Variants in ASAP1 observed in about 807,000 individuals in gnomAD.
The protein encoded by ASAP1 is arf-GAP with SH3 domain, ANK repeat and PH domain-containing protein 1.
ASAP1 carries 43 observed loss-of-function variants against 145.2 expected under a neutral mutation model. The ratio of observed to expected loss-of-function variants is 0.30; its 90% confidence interval spans 0.23 to 0.38. The LOEUF is 0.38. Among genes scored for constraint, ASAP1 ranks in the 10% least tolerant of loss-of-function variants. The pLI, the probability that ASAP1 is intolerant of heterozygous loss-of-function variation, is 1.00. For synonymous variants in ASAP1, 546 were observed against 515.5 expected, an observed-to-expected ratio of 1.06 and a Z score of -0.80; for missense variants, 1,018 against 1,355.3, an observed-to-expected ratio of 0.75 and a Z score of 3.91.
intron 13 of ASAP1, among the ~76,000 whole-genome samples, chr8:130,149,523 C>T (rs775849862): frequency 3.3e-5 from 5 of 152,038 alleles, no homozygotes; most frequent in Non-Finnish European, 5.9e-5. Flanking sequence ...GGTGGCCAAG[C>T]CAACAAACCC....
chr8:130,297,267 T>G (rs1276585775), intron 3 of ASAP1, among the ~76,000 whole-genome samples: 1 of 152,212 alleles, frequency 6.6e-6, no homozygotes, highest in Non-Finnish European at 1.5e-5. Flanking sequence ...CATCAAAATC[T>G]GTGTATACTC....
At chr8:130,230,834 C>T (rs1817869179) in intron 4 of ASAP1, among the ~76,000 whole-genome samples, 1 of 152,136 alleles carries the variant, frequency 6.6e-6, no homozygotes, top group Non-Finnish European at 1.5e-5. Context: ...ACATTTTATT[C>T]TAATCTATTA....
Position 130,112,234 on chromosome 8 carries a change from G to A in ASAP1, c.2261C>T (p.Pro754Leu), listed in dbSNP as rs2097548095. ...SISPQDKLAL[P>L]GFSTPRDKQR... is the part of the protein sequence containing the mutation. Reference sequence around the variant, plus strand: ...TTTGTCCCTTGGAGTGCTGAATCCTGGCAGTGCCAGCTTGTCCTGGGGGGA... The same window carrying A: ...TTTGTCCCTTGGAGTGCTGAATCCTAGCAGTGCCAGCTTGTCCTGGGGGGA... Residue 754 changes from proline (P) to leucine (L), a missense_variant, in exon 24 of 30, where the codon CCA (proline) becomes CTA (leucine). Pro to Leu is a moderately conservative substitution (Grantham distance 98). Around this residue, in one of 9 missense-constraint regions of ASAP1, gnomAD observed 353 missense variants for 375.4 expected, o/e 0.94. Coordinates refer to ENST00000518721, the MANE Select transcript of ASAP1 (RefSeq NM_018482.4). The A allele has an allele frequency of 3.7e-6, 6 of 1,614,076 alleles. No individual in the cohort carries two copies. The East Asian group carries it at 1.1e-4, about 30-fold the overall frequency.
chr8:130,272,736 A>G (rs1820660428), intron 3 of ASAP1, among the ~76,000 whole-genome samples: 1 of 152,228 alleles, frequency 6.6e-6, no homozygotes, highest in Non-Finnish European at 1.5e-5. Flanking sequence ...TGTTAACTGA[A>G]ATAAAGCAGG....
chr8:130,144,963 A>G (rs1294101373), intron 13 of ASAP1, among the ~76,000 whole-genome samples: 1 of 152,212 alleles, frequency 6.6e-6, no homozygotes, highest in African/African-American at 2.4e-5. Context: ...CTTACTTTTG[A>G]GAGGATGTTC....
At chr8:130,441,124 A>G (rs1242326603) in intron 1 of ASAP1, among the ~76,000 whole-genome samples, 1 of 152,228 alleles carries the variant, frequency 6.6e-6, no homozygotes, top group Non-Finnish European at 1.5e-5. Context: ...ACATTGAAAG[A>G]TGAGGCTGGA....
At chr8:130,337,449 A>G (rs1341663271) in intron 3 of ASAP1, among the ~76,000 whole-genome samples, 1 of 152,254 alleles carries the variant, frequency 6.6e-6, no homozygotes, top group Non-Finnish European at 1.5e-5. Context: ...AGTACACTGC[A>G]AAGAGAGCCC....
chr8:130,078,541 C>T (rs964372100), intron 26 of ASAP1, among the ~76,000 whole-genome samples: 6 of 152,148 alleles, frequency 3.9e-5, no homozygotes, highest in African/African-American at 1.4e-4. Context: ...ACACCTTGGC[C>T]TCCCAAAGTG....
intron 15 of ASAP1, among the ~76,000 whole-genome samples, chr8:130,128,677 G>A (rs1182341911): frequency 6.6e-6 from 1 of 152,188 alleles, no homozygotes; most frequent in Non-Finnish European, 1.5e-5. Flanking sequence ...GAAGACTGCA[G>A]ATTTACTTAT....
chr8:130,118,265 G>T lies in ASAP1; in HGVS notation c.1795-19C>A, dbSNP rs762172667. 1.4e-5 allele frequency: 22 copies of T among 1,610,060 alleles called. No individual in the cohort carries two copies. The highest frequency in any genetic ancestry group is 1.9e-5 in the Non-Finnish European group (22 of 1,176,952). On this transcript the variant is annotated intron_variant, in intron 19 of 29. Transcript: ENST00000518721. ...CAAGCTCCTAAAAAGGGAAAGAAAA[G>T]TATAAGTAAGTCAATAATATGCTCT...
intron 4 of ASAP1, among the ~76,000 whole-genome samples, chr8:130,228,983 G>C (rs960425930): frequency 6.6e-6 from 1 of 152,196 alleles, no homozygotes; most frequent in African/African-American, 2.4e-5. Context: ...GTACATGTCT[G>C]ATCAATTACC....
intron 3 of ASAP1, among the ~76,000 whole-genome samples, chr8:130,262,416 A>AAAAAAG (rs1819974520): frequency 1.7e-5 from 1 of 57,850 alleles, no homozygotes; most frequent in Non-Finnish European, 3.0e-5. Flanking sequence ...AAAAAAAAAA[A>AAAAAAG]AGAGAGAGAG....
intron 25 of ASAP1, 102 bp downstream of exon 25, chr8:130,091,871 A>G (rs2097506214): frequency 7.8e-7 from 1 of 1,273,990 alleles, no homozygotes; most frequent in African/African-American, 1.6e-5. Flanking sequence ...ATGTGTGTGC[A>G]TTTTGGCACA....
intron 3 of ASAP1, among the ~76,000 whole-genome samples, chr8:130,296,197 T>C (rs1822261068): frequency 6.6e-6 from 1 of 152,202 alleles, no homozygotes; most frequent in Non-Finnish European, 1.5e-5. Flanking sequence ...GGGTACTAGC[T>C]TCTGAAAGGA....
At chr8:130,192,982 G>A (rs1043613970) in intron 5 of ASAP1, among the ~76,000 whole-genome samples, 1 of 152,066 alleles carries the variant, frequency 6.6e-6, no homozygotes, top group African/African-American at 2.4e-5. Flanking sequence ...AAACGAGAAA[G>A]CTCTTTATGC....
At chr8:130,315,579 C>G (rs1342405893) in intron 3 of ASAP1, among the ~76,000 whole-genome samples, 2 of 152,136 alleles carry the variant, frequency 1.3e-5, no homozygotes, top group Non-Finnish European at 2.9e-5. Context: ...TTAGGCTGAG[C>G]CAAGAAATAG....
intron 15 of ASAP1, 51 bp downstream of exon 15, chr8:130,134,245 G>C: frequency 7.3e-7 from 1 of 1,371,926 alleles, no homozygotes; most frequent in Non-Finnish European, 1.0e-6. Flanking sequence ...TGTAAACAGA[G>C]AGGTGCTTTT....
intron 3 of ASAP1, among the ~76,000 whole-genome samples, chr8:130,323,212 T>C (rs559945199): frequency 1.7e-4 from 26 of 152,336 alleles, no homozygotes; most frequent in Non-Finnish European, 1.0e-4. Flanking sequence ...ACAAGATTCC[T>C]AATGCTGAGG....
chr8:130,404,567 TCTCCCAGCCTG>T (rs1346333999), intron 1 of ASAP1, among the ~76,000 whole-genome samples: 1 of 152,244 alleles, frequency 6.6e-6, no homozygotes, highest in Non-Finnish European at 1.5e-5. Context: ...AGTCAATGCC[TCTCCCAGCCTG>T]CTCCTCAGTT....
Sources: gnomAD v4.1 joint callset for allele counts (sites outside exome capture counted in the v4.1 genomes callset) on GRCh38, gnomAD v4.1.1 for gene constraint, gnomAD v4.1.1 regional missense constraint, MANE v1.5 for transcripts, NCBI Gene and HGNC (gene_info 2026-07-23, HGNC 2026-07-21) for gene names.